The following LRRC56 variants were observed in gnomAD, a reference collection of about 807,000 sequenced individuals.
LRRC56 encodes leucine rich repeat containing 56.
Under a neutral mutation model 47.8 loss-of-function variants are expected in LRRC56, and 41 were observed. The observed-to-expected ratio is 0.86, with a 90% CI of 0.67 to 1.11. The LOEUF (loss-of-function observed/expected upper bound fraction) is 1.11. Among genes scored for constraint, LRRC56 ranks in the 50% most tolerant of loss-of-function variants. The pLI, the probability that LRRC56 is intolerant of heterozygous loss-of-function variation, is 0.00. For synonymous variants in LRRC56, 387 were observed against 311.2 expected (o/e 1.24, Z -2.56); for missense variants, 759 against 704.2 (o/e 1.08, Z -0.88).
At chr11:531,355 G>A in the LRRC56 span, among the ~76,000 whole-genome samples, 2 of 152,160 alleles carry the variant, frequency 1.3e-5, no homozygotes, top group Admixed American at 6.5e-5. Flanking sequence ...GCCTCAACCC[G>A]GGCCCTGGGA....
the LRRC56 span, among the ~76,000 whole-genome samples, chr11:527,380 C>T: frequency 2.0e-5 from 3 of 152,204 alleles, no homozygotes; most frequent in African/African-American, 7.2e-5. Flanking sequence ...ACTCACGCAT[C>T]TTCCCAGACT....
chr11:514,556 C>T, the LRRC56 span, among the ~76,000 whole-genome samples: 1 of 151,998 alleles, frequency 6.6e-6, no homozygotes, highest in South Asian at 2.1e-4. Flanking sequence ...GCTGGGATTA[C>T]AGGTGTGAGC....
chr11:516,610 T>G, the LRRC56 span, among the ~76,000 whole-genome samples: 15 of 152,030 alleles, frequency 9.9e-5, no homozygotes, highest in African/African-American at 3.1e-4. Flanking sequence ...ACATGAAATA[T>G]GAGCCAATGG....
At chr11:515,237 G>T in the LRRC56 span, among the ~76,000 whole-genome samples, 1 of 151,968 alleles carries the variant, frequency 6.6e-6, no homozygotes, top group African/African-American at 2.4e-5. Context: ...TGATGGGATG[G>T]GAGGCTCTCC....
chr11:530,736 G>A, the LRRC56 span, among the ~76,000 whole-genome samples: 1 of 49,296 alleles, frequency 2.0e-5, no homozygotes, highest in Non-Finnish European at 3.7e-5. Flanking sequence ...GGAGTGTGGC[G>A]TCCCCTGGAG....
the LRRC56 span, chr11:507,199 C>A: frequency 6.6e-6 from 1 of 152,048 alleles, no homozygotes; most frequent in Non-Finnish European, 1.5e-5. Context: ...ACGGGTTGAA[C>A]GTGTCGACAA....
rs1851794134 is a variant in LRRC56 at position 541,536 on chromosome 11, GC to G, written c.178del (p.Gln60ArgfsTer12). The stretch of plus-strand genomic sequence containing the variant: ...CGCTGACCCCCGGTTGGTTTCTACA[GC>G]AGGCCCTGGCCCGGGTGGATGACCT... ...VEEYLSPARL[Q>X]ALARVDDLRL... On this transcript the variant is annotated frameshift_variant and splice_region_variant, in exon 5 of 14. Coordinates refer to ENST00000270115, the MANE Select transcript of LRRC56 (RefSeq NM_198075.4). LOFTEE classifies it high-confidence loss of function. This position sits in a 1 kb window ranked among gnomAD's most constrained non-coding sequence, Gnocchi z 4.1. 2 of 1,557,748 alleles carry G rather than the reference GC, an allele frequency of 1.3e-6. No homozygotes were observed. Among genetic ancestry groups the G allele is most frequent in the Non-Finnish European group, 1.7e-6 (2 of 1,149,456 alleles).
the LRRC56 span, among the ~76,000 whole-genome samples, chr11:514,362 C>T: frequency 2.6e-5 from 4 of 151,998 alleles, no homozygotes; most frequent in Admixed American, 1.3e-4. Context: ...TCTCGGCTCA[C>T]GGCAACCTCT....
chr11:531,641 C>G, the LRRC56 span, among the ~76,000 whole-genome samples: 31 of 152,206 alleles, frequency 2.0e-4, no homozygotes, highest in Non-Finnish European at 4.3e-4. Context: ...GACGGACCAG[C>G]TGCCAACCTC....
chr11:535,076 TGCCGTG>T (rs1036866865), upstream of LRRC56, among the ~76,000 whole-genome samples: 1 of 151,888 alleles, frequency 6.6e-6, no homozygotes. Flanking sequence ...TGCCCGGGCG[TGCCGTG>T]GCCGCGGCCG....
At chr11:534,364 C>A (rs1384877498), upstream of LRRC56, 14 of 1,509,752 alleles carry the variant, frequency 9.3e-6, no homozygotes, top group Non-Finnish European at 1.3e-5. Flanking sequence ...CCTACAGGGT[C>A]TCCTGCCCCA....
At position 554,224 on chromosome 11, in the gene LRRC56, C is replaced by G. The variant is rs1852626345; in HGVS notation, c.1577C>G (p.Ala526Gly). 1 of 1,523,240 alleles carries G rather than the reference C, an allele frequency of 6.6e-7. No individual in the cohort carries two copies. The highest frequency in any genetic ancestry group is 8.8e-7 in the Non-Finnish European group (1 of 1,137,952). The allele number at this position is 1,523,240 out of a possible 1,614,324, so 94.4% of individuals were successfully genotyped here. ...CCAAAGCCAGCACCAGATGCAGCAG[C>G]TAGACCTCCCAGGGCAGCTGAACTC... ...PGPKPAPDAA[A>G]RPPRAAELSH... The change falls in exon 14 of 14, where the codon GCT (alanine) becomes GGT (glycine). Residue 526 changes from alanine to glycine, a missense_variant. Ala to Gly is a moderately conservative substitution (Grantham distance 60). Coordinates refer to ENST00000270115, the MANE Select transcript of LRRC56 (RefSeq NM_198075.4).
upstream of LRRC56, chr11:535,306 C>CGCT (rs1007825297): frequency 0.12 from 18,182 of 146,258 alleles, 1,527 homozygotes; most frequent in African/African-American, 0.23. Context: ...CCGCCGCCGC[C>CGCT]GCCGCCGCTT....
Position 551,644 on chromosome 11 carries a change from C to T in LRRC56, c.797-7C>T, listed in dbSNP as rs113026126. On this transcript the variant is annotated splice_polypyrimidine_tract_variant and splice_region_variant and intron_variant, in intron 9 of 13. Transcript: ENST00000270115. ...CTTGGTGACCTCTGCTTCTGAACCT[C>T]GGGCAGACTGTCCCCGTGGAGCCCC... 0.06 allele frequency: 93,073 copies of T among 1,549,432 alleles called. 2,944 individuals carry two copies. Among genetic ancestry groups the T allele is most frequent in the Middle Eastern group, 0.07 (403 of 5,746 alleles).
In LRRC56 at chr11:551,829, T is replaced by A. The variant is rs1228149311; in HGVS notation, c.973+2T>A. 6 of 1,606,816 alleles carry A rather than the reference T, an allele frequency of 3.7e-6. No homozygotes were observed. Among genetic ancestry groups the A allele is most frequent in the Non-Finnish European group, 5.1e-6 (6 of 1,175,794 alleles). Reference sequence around the variant, plus strand: ...ATAACACCAGCAGCCTCACCCATGGTAACTGACTTGCCTCAAAGCTGACCC... The same window carrying A: ...ATAACACCAGCAGCCTCACCCATGGAAACTGACTTGCCTCAAAGCTGACCC... On this transcript the variant is annotated splice_donor_variant, in intron 10 of 13. Coordinates refer to ENST00000270115, the MANE Select transcript of LRRC56 (RefSeq NM_198075.4). LOFTEE classifies it high-confidence loss of function.
chr11:553,836 T>TGCC, intron 13 of LRRC56, 127 bp from the exon 14 acceptor site: 1 of 766,120 alleles, frequency 1.3e-6, no homozygotes, highest in South Asian at 1.7e-5. Context: ...GGGGTGCTGC[T>TGCC]GCCTGTGGAC....
In LRRC56 at chr11:554,551, G is replaced by A. The variant is rs1389920469; in HGVS notation, c.*275G>A. Reference sequence around the variant, plus strand: ...TAGGGCCAGGCTTTCCCGCGGGCACGGGGGTGGGGGGTGGTCACCCGAGCA... The same window carrying A: ...TAGGGCCAGGCTTTCCCGCGGGCACAGGGGTGGGGGGTGGTCACCCGAGCA... On this transcript the variant is annotated 3_prime_UTR_variant, in exon 14 of 14. Coordinates refer to ENST00000270115, the MANE Select transcript of LRRC56 (RefSeq NM_198075.4). The A allele has an allele frequency of 4.8e-6, 2 of 415,234 alleles. No individual in the cohort carries two copies. Among genetic ancestry groups the A allele is most frequent in the African/African-American group, 2.1e-5 (1 of 48,538 alleles). 25.7% of individuals were successfully genotyped at this position (415,234 alleles called of 1,614,324 possible).
Position 551,723 on chromosome 11 carries a change from C to T in LRRC56, c.869C>T (p.Ser290Phe). ...LSLPETQSRA[S>F]RPWPFSLLVR... ...CTGCCTGAGACGCAGTCCCGGGCCT[C>T]CAGGCCCTGGCCCTTCTCCCTGCTG... The change falls in exon 10 of 14, where the codon TCC (serine) becomes TTC (phenylalanine). Residue 290 changes from serine (S) to phenylalanine (F), a missense_variant. Ser to Phe is a radical substitution (Grantham distance 155). Coordinates refer to ENST00000270115, the MANE Select transcript of LRRC56 (RefSeq NM_198075.4). 6.2e-7 allele frequency: 1 copy of T among 1,611,454 alleles called. No homozygotes were observed. The highest frequency in any genetic ancestry group is 8.5e-7 in the Non-Finnish European group (1 of 1,179,190).
the LRRC56 span, among the ~76,000 whole-genome samples, chr11:517,325 G>A: frequency 6.6e-6 from 1 of 150,858 alleles, no homozygotes; most frequent in South Asian, 2.1e-4. Context: ...TGGGAGGTGA[G>A]GAGCGCCTCT....
Sources: allele counts gnomAD v4.1 joint callset (sites outside exome capture counted in the v4.1 genomes callset), GRCh38; gene constraint gnomAD v4.1.1; non-coding constraint Gnocchi (gnomAD v3.1); transcripts MANE v1.5; gene names NCBI Gene and HGNC (gene_info 2026-07-23, HGNC 2026-07-21).